CADPS2: variants seen among roughly 807,000 people sequenced by gnomAD.
The protein encoded by CADPS2 is calcium-dependent secretion activator 2.
Under a neutral mutation model 172.5 loss-of-function variants are expected in CADPS2, and 93 were observed. The observed-to-expected ratio is 0.54, with a 90% CI of 0.46 to 0.64. The LOEUF (loss-of-function observed/expected upper bound fraction) is 0.64, where lower values mean the gene tolerates loss of function less well. CADPS2 is among the 30% of genes least tolerant of loss of function. The pLI is 0.00. For synonymous variants in CADPS2, 546 were observed against 555.2 expected, an observed-to-expected ratio of 0.98 and a Z score of 0.23; for missense variants, 1,420 against 1,565.9, an observed-to-expected ratio of 0.91 and a Z score of 1.57.
At chr7:122,365,206 CTT>C (rs2040698134) in intron 25 of CADPS2, among the ~76,000 whole-genome samples, 1 of 152,152 alleles carries the variant, frequency 6.6e-6, no homozygotes, top group African/African-American at 2.4e-5. Context: ...TCTCAGCATT[CTT>C]TGTCTCCATT....
intron 25 of CADPS2, among the ~76,000 whole-genome samples, chr7:122,377,943 A>C (rs1028273553): frequency 2.6e-5 from 4 of 152,152 alleles, no homozygotes; most frequent in African/African-American, 7.2e-5. Flanking sequence ...AAAAAAATGA[A>C]GATGAAATGA....
At chr7:122,884,165 C>T (rs568460905) in intron 1 of CADPS2, among the ~76,000 whole-genome samples, 102 of 152,272 alleles carry the variant, frequency 6.7e-4, no homozygotes, top group African/African-American at 2.5e-3. Flanking sequence ...ATTATTTTTA[C>T]ACTTTAATCA....
At chr7:122,539,963 A>G (rs1049703135) in intron 8 of CADPS2, among the ~76,000 whole-genome samples, 1 of 152,064 alleles carries the variant, frequency 6.6e-6, no homozygotes, top group Non-Finnish European at 1.5e-5. Flanking sequence ...TTAGGTAACC[A>G]TATGTTCAAA....
chr7:122,814,245 G>A (rs1192160570), intron 1 of CADPS2, among the ~76,000 whole-genome samples: 1 of 150,484 alleles, frequency 6.6e-6, no homozygotes, highest in East Asian at 1.9e-4. Flanking sequence ...AATCTTAACA[G>A]AAATAACCAA....
intron 1 of CADPS2, among the ~76,000 whole-genome samples, chr7:122,803,864 T>C (rs984016027): frequency 6.6e-6 from 1 of 151,846 alleles, no homozygotes; most frequent in Non-Finnish European, 1.5e-5. Flanking sequence ...ACATCTTATA[T>C]TCAAATTTCT....
rs527583640 is a variant in CADPS2, at chr7:122,794,019, T to C, written c.340-56951A>G. ...CTGCTGTTAGTCTGACGGGCTTCTC[T>C]TTGTAGGCGTCCTGACCTTTCTAGC... On this transcript the variant is annotated intron_variant, in intron 1 of 29. Transcript: ENST00000449022. Among the ~76,000 whole-genome samples the C allele has an allele frequency of 2.0e-5, 3 of 152,276 alleles. No homozygotes were observed. The South Asian group carries it at 6.2e-4, about 32-fold the overall frequency.
At chr7:122,365,521 A>C (rs2151187072) in intron 25 of CADPS2, among the ~76,000 whole-genome samples, 1 of 152,256 alleles carries the variant, frequency 6.6e-6, no homozygotes, top group South Asian at 2.1e-4. Context: ...TTCCAAAGAA[A>C]CCCAGTTAAA....
intron 14 of CADPS2, among the ~76,000 whole-genome samples, chr7:122,467,828 T>C (rs866825968): frequency 3.4e-4 from 52 of 152,190 alleles, no homozygotes; most frequent in African/African-American, 1.2e-3. Flanking sequence ...GAAAGCCTCT[T>C]TTCTCCTTCC....
intron 2 of CADPS2, among the ~76,000 whole-genome samples, chr7:122,732,788 A>ATATGTATTATATTATATG (rs2091783202): frequency 7.0e-6 from 1 of 143,060 alleles, no homozygotes; most frequent in African/African-American, 2.6e-5. Context: ...TGTATATAAT[A>ATATGTATTATATTATATG]TATATACATT....
At chr7:122,371,605 C>T (rs1220773400) in intron 25 of CADPS2, among the ~76,000 whole-genome samples, 1 of 152,044 alleles carries the variant, frequency 6.6e-6, no homozygotes, top group Non-Finnish European at 1.5e-5. Flanking sequence ...GGAACACAGC[C>T]AAACCATATC....
At chr7:122,557,044 T>C (rs2065118749) in intron 7 of CADPS2, among the ~76,000 whole-genome samples, 1 of 152,134 alleles carries the variant, frequency 6.6e-6, no homozygotes, top group African/African-American at 2.4e-5. Context: ...TGTTTGTTTT[T>C]CTGGACAGAC....
chr7:122,505,127 CAT>C (rs2130596386), intron 9 of CADPS2, among the ~76,000 whole-genome samples: 1 of 152,180 alleles, frequency 6.6e-6, no homozygotes, highest in South Asian at 2.1e-4. Flanking sequence ...TTAACATGTT[CAT>C]ATTGTCATGT....
chr7:122,350,506 A>G (rs1367105910), intron 27 of CADPS2, among the ~76,000 whole-genome samples: 1 of 152,212 alleles, frequency 6.6e-6, no homozygotes, highest in Non-Finnish European at 1.5e-5. Context: ...CTCACATAAA[A>G]AAGGTTTTTT....
intron 12 of CADPS2, among the ~76,000 whole-genome samples, chr7:122,478,005 G>A (rs2056900874): frequency 6.6e-6 from 1 of 152,050 alleles, no homozygotes; most frequent in African/African-American, 2.4e-5. Context: ...ATATCATTAA[G>A]ATATTATCTA....
intron 1 of CADPS2, among the ~76,000 whole-genome samples, chr7:122,798,348 G>C (rs928641962): frequency 2.6e-5 from 4 of 152,130 alleles, no homozygotes; most frequent in Non-Finnish European, 5.9e-5. Context: ...TTCAAAATAA[G>C]TGTATAAACT....
Position 122,729,559 on chromosome 7 carries a change from T to C in CADPS2, c.453+7396A>G, listed in dbSNP as rs117352546. ...TTTTTTGCCTTTTTAATAATAGCCA[T>C]TCTAACTGAGGTGGGATGATATTTC... On this transcript the variant is annotated intron_variant, in intron 2 of 29. Coordinates refer to ENST00000449022, the MANE Select transcript of CADPS2 (RefSeq NM_017954.11). Among the ~76,000 whole-genome samples, 177 of 151,988 alleles carry C rather than the reference T, an allele frequency of 1.2e-3. 2 individuals are homozygous for C. The East Asian group carries it at 0.027, about 23-fold the overall frequency.
At chr7:122,746,654 C>A (rs1343985627) in intron 1 of CADPS2, among the ~76,000 whole-genome samples, 1 of 151,998 alleles carries the variant, frequency 6.6e-6, no homozygotes, top group Non-Finnish European at 1.5e-5. Context: ...CACACACACA[C>A]ACACACCCTC....
chr7:122,698,020 A>G (rs1209668733), intron 2 of CADPS2: 2 of 1,613,498 alleles, frequency 1.2e-6, no homozygotes, highest in Non-Finnish European at 1.7e-6. Flanking sequence ...AACTTTAAGA[A>G]TATCACATTT....
At chr7:122,748,091 C>T (rs1199921251) in intron 1 of CADPS2, among the ~76,000 whole-genome samples, 1 of 152,108 alleles carries the variant, frequency 6.6e-6, no homozygotes, top group Non-Finnish European at 1.5e-5. Context: ...AAATCATCTA[C>T]AGTAGAAGAA....
Sources: gnomAD v4.1 joint callset for allele counts (sites outside exome capture counted in the v4.1 genomes callset) on GRCh38, gnomAD v4.1.1 for gene constraint, MANE v1.5 for transcripts, NCBI Gene and HGNC (gene_info 2026-07-23, HGNC 2026-07-21) for gene names.